NCOR1: variants seen among roughly 807,000 people sequenced by gnomAD.
NCOR1 encodes protein phosphatase 1, regulatory subunit 109.
A neutral mutation model predicts 288.1 loss-of-function variants in NCOR1; 63 were observed. The ratio of observed to expected loss-of-function variants is 0.22; its 90% CI spans 0.18 to 0.27. The LOEUF (loss-of-function observed/expected upper bound fraction) is 0.27. Among genes scored for constraint, NCOR1 ranks in the 10% least tolerant of loss-of-function variants. NCOR1 has a pLI of 1.00. For missense variants in NCOR1, 2,397 were observed against 3,019.2 expected, an observed-to-expected ratio of 0.79 and a Z score of 4.83; for synonymous variants, 1,007 against 1,065.9, an observed-to-expected ratio of 0.94 and a Z score of 1.08.
At chr17:16,108,363 T>C (rs2069250987) in intron 19 of NCOR1, 2 of 208,050 alleles carry the variant, frequency 9.6e-6, no homozygotes, top group Admixed American at 1.1e-4. Flanking sequence ...TTTTTTTCTA[T>C]CGGTGCTTCT....
Position 16,161,898 on chromosome 17 carries a change from T to A in NCOR1, c.619-3025A>T, listed in dbSNP as rs539157254. ...TATGTACCAGATATTATGCAATATA[T>A]TCATTATCTCAATTCATAAAACAAT... On this transcript the variant is annotated intron_variant, in intron 5 of 45. Transcript: ENST00000268712. Among the ~76,000 whole-genome samples the A allele has an allele frequency of 4.2e-4, 64 of 152,286 alleles. 1 individual carries two copies. In the East Asian group the frequency reaches 0.012, roughly 29 times the overall value.
chr17:16,130,712 C>A (rs1212664454), intron 14 of NCOR1, among the ~76,000 whole-genome samples: 15 of 152,130 alleles, frequency 9.9e-5, no homozygotes, highest in Admixed American at 9.8e-4. Flanking sequence ...GAGACAGGGT[C>A]TTACTATGTC....
chr17:16,036,895 A>G (rs2056500332), intron 44 of NCOR1, among the ~76,000 whole-genome samples: 1 of 152,214 alleles, frequency 6.6e-6, no homozygotes, highest in African/African-American at 2.4e-5. Flanking sequence ...ATTTCCTTCA[A>G]AAACTTTTCC....
chr17:16,104,270 G>A (rs1006681863), intron 19 of NCOR1, among the ~76,000 whole-genome samples: 38 of 151,886 alleles, frequency 2.5e-4, no homozygotes, highest in Middle Eastern at 3.4e-3. Flanking sequence ...CTAAGTAACC[G>A]TCTGGGAAAA....
intron 22 of NCOR1, 42 bp downstream of exon 22, chr17:16,091,821 C>T (rs1196196138): frequency 6.2e-7 from 1 of 1,611,966 alleles, no homozygotes; most frequent in Admixed American, 1.7e-5. Context: ...AGCTTTATTT[C>T]CCTTCATAAA....
chr17:16,193,192 T>C (rs912992780), intron 2 of NCOR1, among the ~76,000 whole-genome samples: 1 of 152,208 alleles, frequency 6.6e-6, no homozygotes, highest in African/African-American at 2.4e-5. Context: ...TGCATTCTAA[T>C]ATAGATATAT....
chr17:16,138,762 C>T (rs932903564), intron 12 of NCOR1, among the ~76,000 whole-genome samples: 7 of 152,162 alleles, frequency 4.6e-5, no homozygotes, highest in African/African-American at 1.7e-4. Context: ...CCCAAAAGTT[C>T]AGCCAGCACC....
chr17:16,107,186 C>T (rs932703846), intron 19 of NCOR1, among the ~76,000 whole-genome samples: 2 of 152,022 alleles, frequency 1.3e-5, no homozygotes, highest in African/African-American at 2.4e-5. Flanking sequence ...TGAGCCACTG[C>T]GCCCGGCCCA....
At chr17:16,125,008 T>G (rs1694789202) in intron 15 of NCOR1, among the ~76,000 whole-genome samples, 1 of 152,236 alleles carries the variant, frequency 6.6e-6, no homozygotes, top group African/African-American at 2.4e-5. Context: ...AGTCAAAAAT[T>G]ACATTTACTG....
chr17:16,036,669 G>A (rs1193241604), intron 44 of NCOR1, among the ~76,000 whole-genome samples: 2 of 152,130 alleles, frequency 1.3e-5, no homozygotes, highest in African/African-American at 4.8e-5. Flanking sequence ...CCTCTGAATG[G>A]CCTCTGCTAG....
At chr17:16,200,585 C>G (rs2090655812) in intron 1 of NCOR1, among the ~76,000 whole-genome samples, 1 of 150,866 alleles carries the variant, frequency 6.6e-6, no homozygotes, top group Non-Finnish European at 1.5e-5. Flanking sequence ...AGAATGAATC[C>G]ACCAAGCGTC....
rs149251801 is a variant in NCOR1, at chr17:16,165,117, A to T, written c.480T>A (p.Ile160=). ...GGKHEAPSSP[I]SGQPCGDDQN... is the part of the protein sequence containing the mutation. ...GATCATCTCCACATGGTTGCCCCGA[A>T]ATTGGAGAGGATGGAGCTTCATGTT... The change falls in exon 5 of 46, where the codon ATT becomes ATA. Residue 160 remains isoleucine, a synonymous_variant. Coordinates refer to ENST00000268712, the MANE Select transcript of NCOR1 (RefSeq NM_006311.4). 9 of 1,609,170 alleles carry T rather than the reference A, an allele frequency of 5.6e-6. No individual in the cohort carries two copies. The African/African-American group carries it at 1.1e-4, about 19-fold the overall frequency.
At chr17:16,143,039 C>T (rs569013940) in intron 11 of NCOR1, among the ~76,000 whole-genome samples, 10 of 152,262 alleles carry the variant, frequency 6.6e-5, no homozygotes, top group African/African-American at 2.4e-4. Context: ...CTTCATGTTA[C>T]CATACTTACC....
chr17:16,053,214 G>A (rs1388564464), intron 40 of NCOR1, among the ~76,000 whole-genome samples: 1 of 152,164 alleles, frequency 6.6e-6, no homozygotes, highest in African/African-American at 2.4e-5. Context: ...GCAAGGGAAC[G>A]AAAGAAAGGG....
At chr17:16,191,619 A>G (rs1018198102) in intron 2 of NCOR1, among the ~76,000 whole-genome samples, 1 of 152,220 alleles carries the variant, frequency 6.6e-6, no homozygotes, top group African/African-American at 2.4e-5. Flanking sequence ...ACAGGGAAAA[A>G]AAGTGAACAG....
Position 16,065,549 on chromosome 17 carries a change from T to G in NCOR1, c.4887A>C (p.Pro1629=). 6.2e-7 allele frequency: 1 copy of G among 1,614,102 alleles called. No individual in the cohort carries two copies. Among genetic ancestry groups the G allele is most frequent in the East Asian group, 2.2e-5 (1 of 44,892 alleles). Reference sequence around the variant, plus strand: ...TTGGGGAGAGTCCTCTGGCCACATCTGGACGCAAGTTCACTTGCATCTGTT... The same window carrying G: ...TTGGGGAGAGTCCTCTGGCCACATCGGGACGCAAGTTCACTTGCATCTGTT... ...TSQQMQVNLR[P]DVARGLSPRE... is the part of the protein sequence containing the mutation. The change falls in exon 33 of 46, where the codon CCA becomes CCC. Residue 1629 remains proline, a synonymous_variant. Transcript: ENST00000268712.
intron 45 of NCOR1, 95 bp from the exon 46 acceptor site, chr17:16,032,578 T>A: frequency 8.1e-7 from 1 of 1,235,428 alleles, no homozygotes; most frequent in Non-Finnish European, 1.1e-6. Context: ...AGGATTATTG[T>A]AAAATGGTCA....
intron 10 of NCOR1, among the ~76,000 whole-genome samples, chr17:16,143,997 G>T: frequency 6.6e-6 from 1 of 152,130 alleles, no homozygotes; most frequent in Admixed American, 6.5e-5. Flanking sequence ...GGCATTCTTT[G>T]TATGCCCTGT....
chr17:16,045,687 G>A (rs1394123293), intron 42 of NCOR1, among the ~76,000 whole-genome samples: 1 of 151,894 alleles, frequency 6.6e-6, no homozygotes, highest in African/African-American at 2.4e-5. Context: ...TATATTTTTA[G>A]TAGAGACAGG....
Sources: allele counts gnomAD v4.1 joint callset (sites outside exome capture counted in the v4.1 genomes callset), GRCh38; gene constraint gnomAD v4.1.1; transcripts MANE v1.5; gene names NCBI Gene and HGNC (gene_info 2026-07-23, HGNC 2026-07-21).